The following GRIK4 variants were observed in gnomAD, a reference collection of about 807,000 sequenced individuals.
GRIK4 encodes glutamate ionotropic receptor kainate type subunit 4, also known as glutamate receptor ionotropic, kainate 4.
Under a neutral mutation model 104.9 loss-of-function variants are expected in GRIK4, and 40 were observed. That is an observed-to-expected ratio of 0.38 (90% CI 0.30 to 0.50). The LOEUF is 0.50. Among genes scored for constraint, GRIK4 ranks in the 20% least tolerant of loss-of-function variants. GRIK4 has a pLI of 0.93. For missense variants in GRIK4, 1,047 were observed against 1,308.1 expected, an observed-to-expected ratio of 0.80 and a Z score of 3.08; for synonymous variants, 485 against 524.9, an observed-to-expected ratio of 0.92 and a Z score of 1.04.
intron 4 of GRIK4, among the ~76,000 whole-genome samples, chr11:120,806,545 A>ACT (rs1456648408): frequency 6.6e-6 from 1 of 152,088 alleles, no homozygotes; most frequent in Admixed American, 6.5e-5. Context: ...GTGGCCAGGG[A>ACT]CTCTGCTTCA....
chr11:120,818,943 A>C (rs1439635201), intron 5 of GRIK4, among the ~76,000 whole-genome samples: 1 of 152,214 alleles, frequency 6.6e-6, no homozygotes, highest in Non-Finnish European at 1.5e-5. Flanking sequence ...ATTACATTGT[A>C]ACTTTCCTAT....
chr11:120,908,549 A>C (rs112140205), intron 13 of GRIK4, among the ~76,000 whole-genome samples: 66 of 152,292 alleles, frequency 4.3e-4, no homozygotes, highest in African/African-American at 1.5e-3. Flanking sequence ...CAAATCTTGC[A>C]TGCTAAATCA....
chr11:120,601,180 T>C (rs1283266488), intron 1 of GRIK4, among the ~76,000 whole-genome samples: 1 of 151,410 alleles, frequency 6.6e-6, no homozygotes, highest in East Asian at 1.9e-4. Context: ...CCGAGGCAGG[T>C]AGATCACTTG....
chr11:120,904,529 C>A (rs1333767678), intron 12 of GRIK4, among the ~76,000 whole-genome samples: 1 of 152,224 alleles, frequency 6.6e-6, no homozygotes, highest in Non-Finnish European at 1.5e-5. Context: ...TTACTCGCAG[C>A]CTTGCGTCTT....
intron 13 of GRIK4, among the ~76,000 whole-genome samples, chr11:120,924,104 A>G (rs939341688): frequency 6.6e-6 from 1 of 152,156 alleles, no homozygotes; most frequent in African/African-American, 2.4e-5. Context: ...GAATTTCACA[A>G]TCTGTTAAGC....
intron 3 of GRIK4, among the ~76,000 whole-genome samples, chr11:120,785,605 C>G (rs534394306): frequency 1.3e-4 from 20 of 152,054 alleles, no homozygotes; most frequent in African/African-American, 2.4e-5. Flanking sequence ...TGTGAAAGTC[C>G]GAGAGTTAGC....
chr11:120,816,803 C>T (rs1952972915), intron 5 of GRIK4, among the ~76,000 whole-genome samples: 1 of 152,092 alleles, frequency 6.6e-6, no homozygotes, highest in African/African-American at 2.4e-5. Context: ...AGTAGCTGGG[C>T]CTCTCTCTGT....
rs373056357 is a variant in GRIK4 at position 120,710,670 on chromosome 11, G to A, written c.82+50270G>A. Among the ~76,000 whole-genome samples, 56 of 152,320 alleles carry A rather than the reference G, an allele frequency of 3.7e-4. No individual in the cohort carries two copies. In the South Asian group the frequency reaches 3.9e-3, roughly 11 times the overall value. On this transcript the variant is annotated intron_variant, in intron 3 of 20. Coordinates refer to ENST00000527524, the MANE Select transcript of GRIK4 (RefSeq NM_014619.5). ...GCGATCCCTTTCTCCAGGGAAGAAA[G>A]CAGACCTCCTCCAGATTCTGTGCCC...
chr11:120,832,149 A>G, intron 7 of GRIK4, 119 bp downstream of exon 7: 3 of 600,646 alleles, frequency 5.0e-6, no homozygotes, highest in Non-Finnish European at 8.6e-6. Context: ...ACTCTTACAA[A>G]CCTCTCTCTG....
chr11:120,536,314 A>G (rs1459258378), intron 1 of GRIK4, among the ~76,000 whole-genome samples: 1 of 151,990 alleles, frequency 6.6e-6, no homozygotes, highest in Non-Finnish European at 1.5e-5. Flanking sequence ...GGCCCAAACC[A>G]CCTCTTTTTC....
At chr11:120,512,903 G>A (rs564474217) in intron 1 of GRIK4, among the ~76,000 whole-genome samples, 2 of 152,278 alleles carry the variant, frequency 1.3e-5, no homozygotes, top group Admixed American at 6.5e-5. Flanking sequence ...GGCCCCGGGC[G>A]CCTCTGGCCC....
At chr11:120,581,287 C>T (rs1356484781) in intron 1 of GRIK4, among the ~76,000 whole-genome samples, 1 of 152,170 alleles carries the variant, frequency 6.6e-6, no homozygotes, top group Non-Finnish European at 1.5e-5. Context: ...AGGATTAAAA[C>T]ATATGTAATT....
chr11:120,652,821 G>T (rs1949639227), intron 1 of GRIK4, among the ~76,000 whole-genome samples: 1 of 152,162 alleles, frequency 6.6e-6, no homozygotes, highest in African/African-American at 2.4e-5. Flanking sequence ...AGAGAGACCA[G>T]CGGAGGGACT....
chr11:120,743,539 T>G (rs57240310), intron 3 of GRIK4, among the ~76,000 whole-genome samples: 2 of 152,336 alleles, frequency 1.3e-5, no homozygotes, highest in South Asian at 2.1e-4. Context: ...AGTTTACTTA[T>G]GTAACGAGCC....
intron 3 of GRIK4, among the ~76,000 whole-genome samples, chr11:120,789,670 A>G (rs1303219247): frequency 6.6e-6 from 1 of 151,678 alleles, no homozygotes; most frequent in Non-Finnish European, 1.5e-5. Flanking sequence ...ATCCCAGTTC[A>G]CCAGTGAGAC....
chr11:120,560,772 T>G (rs1012385577), intron 1 of GRIK4, among the ~76,000 whole-genome samples: 1 of 152,240 alleles, frequency 6.6e-6, no homozygotes, highest in Admixed American at 6.5e-5. Context: ...TTTAAATTGC[T>G]TAGCACAGTA....
intron 13 of GRIK4, among the ~76,000 whole-genome samples, chr11:120,923,404 ATTTTTT>A (rs775194642): frequency 6.1e-5 from 5 of 81,646 alleles, no homozygotes; most frequent in African/African-American, 2.6e-4. Flanking sequence ...CCATTTGCTC[ATTTTTT>A]TTTTTTTTTT....
intron 3 of GRIK4, among the ~76,000 whole-genome samples, chr11:120,793,132 C>T (rs913391369): frequency 3.3e-5 from 5 of 152,154 alleles, no homozygotes; most frequent in Non-Finnish European, 7.3e-5. Flanking sequence ...ATCAAAAGTT[C>T]ACCAGTTTTG....
chr11:120,871,558 G>T (rs1446585951), intron 9 of GRIK4: 1 of 456,154 alleles, frequency 2.2e-6, no homozygotes, highest in Non-Finnish European at 4.4e-6. Context: ...TGAGAATTGG[G>T]TGTCCTTTGT....
Sources: gnomAD v4.1 joint callset for allele counts (sites outside exome capture counted in the v4.1 genomes callset) on GRCh38, gnomAD v4.1.1 for gene constraint, MANE v1.5 for transcripts, NCBI Gene and HGNC (gene_info 2026-07-23, HGNC 2026-07-21) for gene names.